The following BORCS5 variants were observed in gnomAD, a reference collection of about 807,000 sequenced individuals.
The protein encoded by BORCS5 is BLOC-1-related complex subunit 5.
In BORCS5, 17 loss-of-function variants were observed where a neutral mutation model predicts 22.1. The ratio of observed to expected loss-of-function variants is 0.77; its 90% CI spans 0.53 to 1.15. The LOEUF (loss-of-function observed/expected upper bound fraction) is 1.15, where lower values mean the gene tolerates loss of function less well. BORCS5 is among the 50% of genes most tolerant of loss of function. The probability of loss-of-function intolerance (pLI) is 0.00; values close to 1 mark genes in which losing one functional copy is unlikely to be tolerated. For missense variants in BORCS5, 247 were observed against 253.2 expected, an observed-to-expected ratio of 0.98 and a Z score of 0.17; for synonymous variants, 117 against 99.8, an observed-to-expected ratio of 1.17 and a Z score of -1.03.
intron 2 of BORCS5, among the ~76,000 whole-genome samples, chr12:12,395,397 T>C (rs1941309674): frequency 6.6e-6 from 1 of 151,390 alleles, no homozygotes; most frequent in Non-Finnish European, 1.5e-5. Flanking sequence ...GCCTCCCAAG[T>C]AGCTGGGAAT....
At position 12,357,242 on chromosome 12, in the gene BORCS5, C is replaced by G. The variant is rs551335423; in HGVS notation, c.-210C>G. ...CGTGCGTTCGCGCCGCGCCTCCTTG[C>G]GTTTCTGTTCCCCAAATAGGGCCTC... is the stretch of plus-strand genomic sequence containing the variant. On this transcript the variant is annotated 5_prime_UTR_variant, in exon 1 of 4. Transcript: ENST00000314565. The G allele has an allele frequency of 6.8e-7, 1 of 1,471,066 alleles. No individual in the cohort carries two copies. The highest frequency in any genetic ancestry group is 9.0e-7 in the Non-Finnish European group (1 of 1,114,450). 91.1% of individuals were successfully genotyped at this position (1,471,066 alleles called of 1,614,324 possible). A position where few individuals can be genotyped will look rare whatever the true frequency, so the allele number is the denominator to read the frequency against.
At chr12:12,360,901 A>G (rs1863268650) in intron 1 of BORCS5, among the ~76,000 whole-genome samples, 1 of 151,990 alleles carries the variant, frequency 6.6e-6, no homozygotes, top group East Asian at 1.9e-4. Flanking sequence ...TTGTGTTTTT[A>G]GTAGAGACAG....
At chr12:12,450,392 T>C (rs1942885069) in intron 3 of BORCS5, among the ~76,000 whole-genome samples, 1 of 152,254 alleles carries the variant, frequency 6.6e-6, no homozygotes, top group African/African-American at 2.4e-5. Context: ...GAGTACAAAA[T>C]GTACAGACGA....
chr12:12,432,384 G>A (rs569827117), intron 2 of BORCS5, among the ~76,000 whole-genome samples: 2 of 152,300 alleles, frequency 1.3e-5, no homozygotes, highest in South Asian at 4.1e-4. Context: ...TGATAGGGTA[G>A]CCCTTGATAG....
At chr12:12,439,927 C>T (rs1942648758) in intron 3 of BORCS5, among the ~76,000 whole-genome samples, 1 of 152,192 alleles carries the variant, frequency 6.6e-6, no homozygotes, top group African/African-American at 2.4e-5. Flanking sequence ...CAGAGGATGT[C>T]ATTTTGATCA....
chr12:12,364,142 G>T (rs1251922500), intron 2 of BORCS5, among the ~76,000 whole-genome samples: 1 of 152,042 alleles, frequency 6.6e-6, no homozygotes, highest in Non-Finnish European at 1.5e-5. Flanking sequence ...TTGGGAGGCC[G>T]AGGAGGATGG....
chr12:12,457,394 G>A (rs1407700215), intron 3 of BORCS5, among the ~76,000 whole-genome samples: 1 of 152,252 alleles, frequency 6.6e-6, no homozygotes, highest in Non-Finnish European at 1.5e-5. Context: ...GTTTGGCCGG[G>A]CGCGGTGGCT....
chr12:12,384,755 G>T lies in BORCS5; in HGVS notation c.202+23406G>T, dbSNP rs1348818096. ...TTATCTCTCAGATTTCTGTGGGTCA[G>T]GGATTCTGGAAGGGCTCAGCTGGGC... On this transcript the variant is annotated intron_variant, in intron 2 of 3. Coordinates refer to ENST00000314565, the MANE Select transcript of BORCS5 (RefSeq NM_058169.6). Among the ~76,000 whole-genome samples, 2 of 151,180 alleles carry T rather than the reference G, an allele frequency of 1.3e-5. 1 individual carries two copies. The highest frequency in any genetic ancestry group is 4.9e-5 in the African/African-American group (2 of 41,120).
chr12:12,388,746 A>G (rs1360471082), intron 2 of BORCS5, among the ~76,000 whole-genome samples: 1 of 151,066 alleles, frequency 6.6e-6, no homozygotes, highest in Non-Finnish European at 1.5e-5. Flanking sequence ...GGGGCCAGAT[A>G]GACTATCTTT....
chr12:12,411,634 T>C (rs1175556911), intron 2 of BORCS5, among the ~76,000 whole-genome samples: 1 of 152,212 alleles, frequency 6.6e-6, no homozygotes, highest in African/African-American at 2.4e-5. Context: ...CTATCTTTTT[T>C]TGTTGTTGCC....
intron 2 of BORCS5, among the ~76,000 whole-genome samples, chr12:12,379,544 C>T (rs930538426): frequency 1.3e-5 from 2 of 151,444 alleles, no homozygotes; most frequent in African/African-American, 4.9e-5. Context: ...ACTGAGAGGT[C>T]GGATGTCAAC....
intron 2 of BORCS5, among the ~76,000 whole-genome samples, chr12:12,418,176 G>A (rs987906500): frequency 6.7e-6 from 1 of 150,166 alleles, no homozygotes; most frequent in Admixed American, 6.6e-5. Flanking sequence ...GGTGCCTGCC[G>A]CCATGCCTGG....
At chr12:12,391,626 GATGC>G (rs1941187678) in intron 2 of BORCS5, among the ~76,000 whole-genome samples, 1 of 150,958 alleles carries the variant, frequency 6.6e-6, no homozygotes, top group Non-Finnish European at 1.5e-5. Flanking sequence ...GACCTCAAAT[GATGC>G]GCCCGCCTTG....
intron 2 of BORCS5, among the ~76,000 whole-genome samples, chr12:12,379,976 A>G (rs1308792708): frequency 1.3e-5 from 2 of 151,382 alleles, no homozygotes; most frequent in African/African-American, 4.9e-5. Flanking sequence ...CATAAAGACC[A>G]TTGTAGGGGA....
intron 2 of BORCS5, among the ~76,000 whole-genome samples, chr12:12,399,855 T>C (rs1368544837): frequency 6.6e-6 from 1 of 152,228 alleles, no homozygotes; most frequent in Non-Finnish European, 1.5e-5. Context: ...TCCCTTAGGT[T>C]TTATTAACTG....
chr12:12,396,283 A>C lies in BORCS5; in HGVS notation c.202+34934A>C, dbSNP rs370996393. Among the ~76,000 whole-genome samples the C allele has an allele frequency of 3.1e-4, 47 of 152,350 alleles. 1 individual carries two copies. Among genetic ancestry groups the C allele is most frequent in the African/African-American group, 1.1e-3 (44 of 41,584 alleles). On this transcript the variant is annotated intron_variant, in intron 2 of 3. Coordinates refer to ENST00000314565, the MANE Select transcript of BORCS5 (RefSeq NM_058169.6). Reference sequence around the variant, plus strand: ...ATTACAGGTGTGAGCAACCGTGCCCAGTGGGAGATTAATTTTGAATTTTGG... The same window carrying C: ...ATTACAGGTGTGAGCAACCGTGCCCCGTGGGAGATTAATTTTGAATTTTGG...
Position 12,465,675 on chromosome 12 carries a change from G to C in BORCS5, c.490G>C (p.Asp164His), listed in dbSNP as rs199869851. The change falls in exon 4 of 4, where the codon GAC becomes CAC. Residue 164 changes from aspartate (D) to histidine (H), a missense_variant. Transcript: ENST00000314565. ...CCTCCGCCGCATACAGATGGGCATC[G>C]ACCAGACTGTGCCCCTGCTGGACAG... ...AILRRIQMGI[D>H]QTVPLLDRLN... 6.2e-7 allele frequency: 1 copy of C among 1,614,116 alleles called. No homozygotes were observed. The highest frequency in any genetic ancestry group is 2.2e-5 in the East Asian group (1 of 44,894).
intron 2 of BORCS5, among the ~76,000 whole-genome samples, chr12:12,398,202 G>C (rs1228109520): frequency 6.6e-6 from 1 of 152,172 alleles, no homozygotes; most frequent in South Asian, 2.1e-4. Context: ...CTGAGCAAAC[G>C]TTTTGGGAGA....
At chr12:12,367,077 TG>T (rs1863421712) in intron 2 of BORCS5, among the ~76,000 whole-genome samples, 2 of 152,314 alleles carry the variant, frequency 1.3e-5, no homozygotes, top group Non-Finnish European at 2.9e-5. Context: ...AAAAGGAGCC[TG>T]GGGCTTTTCA....
Sources: allele counts gnomAD v4.1 joint callset (sites outside exome capture counted in the v4.1 genomes callset), GRCh38; gene constraint gnomAD v4.1.1; transcripts MANE v1.5; gene names NCBI Gene and HGNC (gene_info 2026-07-23, HGNC 2026-07-21).